MACROD1: variants seen among roughly 807,000 people sequenced by gnomAD.
MACROD1 encodes the protein ADP-ribose glycohydrolase MACROD1.
A neutral mutation model predicts 41.4 loss-of-function variants in MACROD1; 31 were observed. That is an observed-to-expected ratio of 0.75 (90% CI 0.56 to 1.01). MACROD1 has a LOEUF of 1.01. Among genes scored for constraint, MACROD1 ranks in the 50% least tolerant of loss-of-function variants. MACROD1 has a pLI of 0.00. For missense variants in MACROD1, 473 were observed against 460.0 expected (o/e 1.03, Z -0.26); for synonymous variants, 252 against 203.4 (o/e 1.24, Z -2.03).
At chr11:64,001,138 A>T (rs534316427) in intron 4 of MACROD1, 1 of 428,660 alleles carries the variant, frequency 2.3e-6, no homozygotes, top group East Asian at 4.1e-5. Flanking sequence ...AGCGGGAGGC[A>T]TGGAGGAAAC....
intron 3 of MACROD1, among the ~76,000 whole-genome samples, chr11:64,068,513 C>T (rs754887530): frequency 2.0e-5 from 3 of 152,234 alleles, no homozygotes; most frequent in African/African-American, 4.8e-5. Context: ...CCTAGGATAA[C>T]GATGGTTGTC....
chr11:64,158,705 A>G (rs963786333), intron 1 of MACROD1, among the ~76,000 whole-genome samples: 5 of 141,538 alleles, frequency 3.5e-5, no homozygotes, highest in African/African-American at 9.8e-5. Context: ...TCTGCCTGCC[A>G]GGGGCTGTTG....
At chr11:64,118,308 G>A in intron 3 of MACROD1, 1 of 1,537,672 alleles carries the variant, frequency 6.5e-7, no homozygotes, top group Non-Finnish European at 8.8e-7. Context: ...GCCCACCCGG[G>A]CTGCCCCGCC....
intron 3 of MACROD1, among the ~76,000 whole-genome samples, chr11:64,059,450 C>T (rs896890656): frequency 6.6e-6 from 1 of 152,138 alleles, no homozygotes; most frequent in Non-Finnish European, 1.5e-5. Context: ...GACAGGGAAG[C>T]GTGGGCCCAC....
intron 3 of MACROD1, among the ~76,000 whole-genome samples, chr11:64,034,311 A>G (rs942603895): frequency 6.6e-6 from 1 of 152,232 alleles, no homozygotes; most frequent in Non-Finnish European, 1.5e-5. Flanking sequence ...GAGCAGAGGA[A>G]CGGAAGCTGT....
chr11:64,089,939 C>A (rs934840928), intron 3 of MACROD1, among the ~76,000 whole-genome samples: 2 of 152,176 alleles, frequency 1.3e-5, no homozygotes, highest in East Asian at 3.8e-4. Flanking sequence ...GTTTGCCCCC[C>A]ACGCCCTGTA....
chr11:64,016,032 C>T (rs1012509429), intron 3 of MACROD1, among the ~76,000 whole-genome samples: 16 of 152,204 alleles, frequency 1.1e-4, no homozygotes, highest in Admixed American at 6.5e-4. Flanking sequence ...CTCTGAGCCC[C>T]GCTGCAGGAA....
chr11:64,064,007 G>A lies in MACROD1; in HGVS notation c.518-48726C>T, dbSNP rs369360672. ...TGACGGCTCCTCTTGTCAGGCAGCC[G>A]CAGGGAGAGAGCGCATCTTCACTGG... On this transcript the variant is annotated intron_variant, in intron 3 of 10. Coordinates refer to ENST00000255681, the MANE Select transcript of MACROD1 (RefSeq NM_014067.4). This position sits in a 1 kb window ranked among gnomAD's most constrained non-coding sequence, Gnocchi z 4.5. 3.9e-5 allele frequency among the ~76,000 whole-genome samples: 6 copies of A among 152,250 alleles called. No homozygotes were observed. Among genetic ancestry groups the A allele is most frequent in the East Asian group, 3.9e-4 (2 of 5,180 alleles).
rs1241387231 is a variant in MACROD1, at chr11:64,155,306, G to A, written c.299-2913C>T. Among the ~76,000 whole-genome samples, 3 of 152,264 alleles carry A rather than the reference G, an allele frequency of 2.0e-5. No individual in the cohort carries two copies. The East Asian group carries it at 5.8e-4, about 29-fold the overall frequency. ...GAGAGAGCATTTGGGTGGAGAAAGT[G>A]AGGCCAGTCGGTCTCTCCAGGTCTG... On this transcript the variant is annotated intron_variant, in intron 1 of 10. Coordinates refer to ENST00000255681, the MANE Select transcript of MACROD1 (RefSeq NM_014067.4).
rs1159376724 is a variant in MACROD1 at position 64,067,482 on chromosome 11, G to A, written c.518-52201C>T. Among the ~76,000 whole-genome samples the A allele has an allele frequency of 6.6e-6, 1 of 152,122 alleles. No homozygotes were observed. The highest frequency in any genetic ancestry group is 1.5e-5 in the Non-Finnish European group (1 of 68,012). ...CGCCCAGCTCAGATAACAGAAGGGA[G>A]GAGATAGGTCGGGGACGGGGACAGA... On this transcript the variant is annotated intron_variant, in intron 3 of 10. Transcript: ENST00000255681. The surrounding 1 kb of genome is among the most constrained non-coding windows in gnomAD (Gnocchi z 4.6).
At chr11:64,075,479 C>G (rs1944184102) in intron 3 of MACROD1, among the ~76,000 whole-genome samples, 1 of 152,280 alleles carries the variant, frequency 6.6e-6, no homozygotes, top group Admixed American at 6.5e-5. Flanking sequence ...TTCCCCAAAG[C>G]TGCCCAGCTA....
intron 3 of MACROD1, among the ~76,000 whole-genome samples, chr11:64,057,542 C>T (rs1565212792): frequency 6.6e-6 from 1 of 152,206 alleles, no homozygotes; most frequent in East Asian, 1.9e-4. Flanking sequence ...GCTGCCACGC[C>T]CATTTTACAG....
chr11:64,138,665 A>G, intron 3 of MACROD1: 1 of 500,444 alleles, frequency 2.0e-6, no homozygotes, highest in Non-Finnish European at 2.6e-6. Context: ...TACCGCAATT[A>G]CAATGTCCGA....
intron 1 of MACROD1, among the ~76,000 whole-genome samples, chr11:64,162,429 C>A (rs1320920786): frequency 6.6e-6 from 1 of 151,958 alleles, no homozygotes; most frequent in East Asian, 1.9e-4. Context: ...CTGAGCCCAG[C>A]AGTTTAAGGG....
chr11:64,032,491 G>A (rs537955820), intron 3 of MACROD1, among the ~76,000 whole-genome samples: 9 of 152,242 alleles, frequency 5.9e-5, no homozygotes, highest in African/African-American at 1.7e-4. Context: ...CTTCGGGCAG[G>A]GCCAGGGTGA....
At chr11:64,135,805 C>G (rs1262594473) in intron 3 of MACROD1, among the ~76,000 whole-genome samples, 1 of 152,166 alleles carries the variant, frequency 6.6e-6, no homozygotes, top group Non-Finnish European at 1.5e-5. Context: ...TGCCTGCTTA[C>G]CCTCTTCTCT....
chr11:64,021,820 G>A (rs1312191950), intron 3 of MACROD1, among the ~76,000 whole-genome samples: 1 of 151,774 alleles, frequency 6.6e-6, no homozygotes, highest in Non-Finnish European at 1.5e-5. Context: ...CTGCTGGCAC[G>A]TGCATCATCT....
chr11:64,145,730 AG>A lies in MACROD1; in HGVS notation c.517+5508del, dbSNP rs1358510828. On this transcript the variant is annotated intron_variant, in intron 3 of 10. Coordinates refer to ENST00000255681, the MANE Select transcript of MACROD1 (RefSeq NM_014067.4). Reference sequence around the variant, plus strand: ...CTCTTATGACATGAAGGCCAAAGCCAGGCAGCTGGACCCCTGGGTTGGCCAA... The same window carrying A: ...CTCTTATGACATGAAGGCCAAAGCCAGCAGCTGGACCCCTGGGTTGGCCAA... Among the ~76,000 whole-genome samples the A allele has an allele frequency of 3.3e-5, 5 of 152,324 alleles. 1 individual carries two copies. The highest frequency in any genetic ancestry group is 1.2e-4 in the African/African-American group (5 of 41,580).
chr11:64,030,925 G>A (rs1943285641), intron 3 of MACROD1, among the ~76,000 whole-genome samples: 1 of 151,962 alleles, frequency 6.6e-6, no homozygotes, highest in Admixed American at 6.6e-5. Flanking sequence ...TGGGGATGTG[G>A]GGGTTAGGGA....
Sources: gnomAD v4.1 joint callset for allele counts (sites outside exome capture counted in the v4.1 genomes callset) on GRCh38, gnomAD v4.1.1 for gene constraint, Gnocchi (gnomAD v3.1) non-coding constraint, MANE v1.5 for transcripts, NCBI Gene and HGNC (gene_info 2026-07-23, HGNC 2026-07-21) for gene names.